The following SPAG16 variants were observed in gnomAD, a reference collection of about 807,000 sequenced individuals.
The protein encoded by SPAG16 is sperm associated antigen 16, also known as sperm-associated antigen 16 protein.
A neutral mutation model predicts 80.4 loss-of-function variants in SPAG16; 86 were observed. The ratio of observed to expected loss-of-function variants is 1.07; its 90% CI spans 0.90 to 1.28. The LOEUF (loss-of-function observed/expected upper bound fraction) is 1.28. SPAG16 is among the 50% of genes most tolerant of loss of function. The probability of loss-of-function intolerance (pLI) is 0.00; values close to 1 mark genes in which losing one functional copy is unlikely to be tolerated. For synonymous variants in SPAG16, 294 were observed against 265.9 expected (o/e 1.11, Z -1.03); for missense variants, 870 against 765.3 (o/e 1.14, Z -1.61).
At chr2:213,844,390 A>G (rs903323574) in intron 10 of SPAG16, among the ~76,000 whole-genome samples, 16 of 152,226 alleles carry the variant, frequency 1.1e-4, no homozygotes, top group African/African-American at 3.6e-4. Context: ...AGGAAGAAAA[A>G]CAGTGATTTC....
At chr2:214,265,117 G>A (rs1378024413) in intron 15 of SPAG16, among the ~76,000 whole-genome samples, 2 of 152,054 alleles carry the variant, frequency 1.3e-5, no homozygotes, top group Non-Finnish European at 2.9e-5. Context: ...TTGAGTAAAC[G>A]CTTAGAACAA....
chr2:213,401,447 C>T (rs2068304493), intron 9 of SPAG16, among the ~76,000 whole-genome samples: 1 of 152,042 alleles, frequency 6.6e-6, no homozygotes, highest in South Asian at 2.1e-4. Context: ...CTTATTGTTT[C>T]TTTGGTATAA....
chr2:213,694,895 A>T (rs1387720817), intron 10 of SPAG16, among the ~76,000 whole-genome samples: 2 of 151,778 alleles, frequency 1.3e-5, no homozygotes, highest in African/African-American at 4.8e-5. Context: ...AATTTCTCTT[A>T]TATCAACATC....
chr2:213,747,211 TATAAA>T (rs1173574472), intron 10 of SPAG16, among the ~76,000 whole-genome samples: 2 of 152,190 alleles, frequency 1.3e-5, no homozygotes, highest in African/African-American at 4.8e-5. Context: ...CAAAAAGTCT[TATAAA>T]AGAAATCTAT....
At chr2:213,522,726 C>T (rs745620691) in intron 10 of SPAG16, among the ~76,000 whole-genome samples, 5 of 151,836 alleles carry the variant, frequency 3.3e-5, no homozygotes, top group Non-Finnish European at 7.4e-5. Flanking sequence ...AATATAATTT[C>T]AGGACTTAGT....
chr2:214,039,506 A>G (rs1281589980), intron 13 of SPAG16, among the ~76,000 whole-genome samples: 2 of 152,232 alleles, frequency 1.3e-5, no homozygotes, highest in African/African-American at 4.8e-5. Context: ...CATCAGAGTG[A>G]ACAGGCAACC....
At chr2:213,649,320 A>G (rs1318522601) in intron 10 of SPAG16, among the ~76,000 whole-genome samples, 1 of 152,220 alleles carries the variant, frequency 6.6e-6, no homozygotes, top group Non-Finnish European at 1.5e-5. Flanking sequence ...GGAAAGTTAA[A>G]CTGGAAAGAT....
At chr2:214,332,213 C>T (rs935486155) in intron 15 of SPAG16, among the ~76,000 whole-genome samples, 2 of 152,216 alleles carry the variant, frequency 1.3e-5, no homozygotes, top group Admixed American at 1.3e-4. Flanking sequence ...GATCACACCA[C>T]TGCACTCCAG....
At chr2:214,301,252 A>T (rs1473008873) in intron 15 of SPAG16, among the ~76,000 whole-genome samples, 1 of 151,606 alleles carries the variant, frequency 6.6e-6, no homozygotes, top group Non-Finnish European at 1.5e-5. Flanking sequence ...AGCATTTGAT[A>T]AAATCCAACA....
chr2:214,228,620 C>T (rs1468239076), intron 15 of SPAG16, among the ~76,000 whole-genome samples: 1 of 151,754 alleles, frequency 6.6e-6, no homozygotes, highest in East Asian at 1.9e-4. Context: ...GAATTGCAAA[C>T]TCTATCACCC....
intron 10 of SPAG16, among the ~76,000 whole-genome samples, chr2:213,712,093 T>C (rs1272831974): frequency 6.6e-6 from 1 of 152,110 alleles, no homozygotes; most frequent in Non-Finnish European, 1.5e-5. Context: ...AGGAAAATGG[T>C]GTCTTCTAGA....
intron 12 of SPAG16, among the ~76,000 whole-genome samples, chr2:213,977,326 A>G (rs1285535525): frequency 6.6e-6 from 1 of 152,006 alleles, no homozygotes; most frequent in African/African-American, 2.4e-5. Context: ...CCAGGCATGG[A>G]TGAGATTCCT....
At chr2:214,159,178 C>T (rs190151570) in intron 15 of SPAG16, among the ~76,000 whole-genome samples, 5 of 152,014 alleles carry the variant, frequency 3.3e-5, no homozygotes, top group Admixed American at 2.6e-4. Flanking sequence ...GAAAAGATGA[C>T]ATTCTTCATA....
chr2:213,482,324 C>T (rs1043363599), intron 9 of SPAG16, among the ~76,000 whole-genome samples: 13 of 152,188 alleles, frequency 8.5e-5, no homozygotes, highest in Admixed American at 6.6e-5. Context: ...CACATGGCCA[C>T]ACCTAGGTAC....
intron 10 of SPAG16, among the ~76,000 whole-genome samples, chr2:213,724,137 C>T (rs2066648806): frequency 1.3e-5 from 2 of 152,064 alleles, no homozygotes; most frequent in Admixed American, 1.3e-4. Flanking sequence ...TTTTACTTGA[C>T]ATGAGTGGAA....
chr2:213,905,293 G>A (rs1388171507), intron 11 of SPAG16, among the ~76,000 whole-genome samples: 3 of 152,164 alleles, frequency 2.0e-5, no homozygotes, highest in Non-Finnish European at 2.9e-5. Context: ...AAGGTTATGT[G>A]ATAATATCTT....
chr2:213,883,372 G>T (rs1425748646), intron 11 of SPAG16, among the ~76,000 whole-genome samples: 1 of 152,124 alleles, frequency 6.6e-6, no homozygotes, highest in Non-Finnish European at 1.5e-5. Flanking sequence ...CTGAGAGTGT[G>T]CTTGACTCCC....
At chr2:213,646,952 A>C (rs902918643) in intron 10 of SPAG16, among the ~76,000 whole-genome samples, 1 of 152,234 alleles carries the variant, frequency 6.6e-6, no homozygotes, top group African/African-American at 2.4e-5. Flanking sequence ...CATGAATCTT[A>C]GCAATATAAA....
chr2:213,744,399 A>G (rs1235369295), intron 10 of SPAG16, among the ~76,000 whole-genome samples: 1 of 152,166 alleles, frequency 6.6e-6, no homozygotes, highest in Non-Finnish European at 1.5e-5. Flanking sequence ...CCAGGTTATC[A>G]GTCTGTGATC....
Sources: gnomAD v4.1 joint callset for allele counts (sites outside exome capture counted in the v4.1 genomes callset) on GRCh38, gnomAD v4.1.1 for gene constraint, MANE v1.5 for transcripts, NCBI Gene and HGNC (gene_info 2026-07-23, HGNC 2026-07-21) for gene names.